LRCH2: variants seen among roughly 807,000 people sequenced by gnomAD.
LRCH2 encodes leucine-rich repeat and calponin homology domain-containing protein 2.
LRCH2 carries 38 observed loss-of-function variants against 68.9 expected under a neutral mutation model. The ratio of observed to expected loss-of-function variants is 0.55; its 90% CI spans 0.43 to 0.72. The LOEUF (loss-of-function observed/expected upper bound fraction) is 0.72. LRCH2 is among the 30% of genes least tolerant of loss of function. The pLI, the probability that LRCH2 is intolerant of heterozygous loss-of-function variation, is 0.00. For missense variants in LRCH2, 528 were observed against 572.9 expected (o/e 0.92, Z 0.80); for synonymous variants, 191 against 208.1 (o/e 0.92, Z 0.71).
chrX:115,170,923 T>A (rs1043981363), intron 5 of LRCH2, among the ~76,000 whole-genome samples: 1 of 111,596 alleles, frequency 9.0e-6, no homozygotes, highest in Non-Finnish European at 1.9e-5. Context: ...AGGTACGATA[T>A]TAGGCTGGTG....
intron 14 of LRCH2, among the ~76,000 whole-genome samples, chrX:115,135,542 A>T (rs1266604085): frequency 1.8e-5 from 2 of 111,905 alleles, no homozygotes; most frequent in African/African-American, 6.5e-5. Context: ...TTTAAGGTAG[A>T]ATTTACTCCT....
intron 1 of LRCH2, chrX:115,190,400 C>A: frequency 8.6e-7 from 1 of 1,163,662 alleles, no homozygotes; most frequent in Non-Finnish European, 1.1e-6. Context: ...TGGGGGACAC[C>A]GCCATCTTAT....
intron 3 of LRCH2, 75 bp downstream of exon 3, chrX:115,184,336 A>G: frequency 2.4e-6 from 2 of 844,473 alleles, no homozygotes; most frequent in Non-Finnish European, 3.2e-6. Flanking sequence ...ATTAAATTCC[A>G]TTAAAAATAG....
intron 19 of LRCH2, 36 bp from the exon 20 acceptor site, chrX:115,122,640 A>AT (rs781843109): frequency 8.4e-7 from 1 of 1,186,990 alleles, no homozygotes; most frequent in Non-Finnish European, 1.1e-6. Flanking sequence ...ACTTTTAGGC[A>AT]TTTTTCTATG....
intron 14 of LRCH2, among the ~76,000 whole-genome samples, chrX:115,144,724 C>A (rs142436194): frequency 0.011 from 1,210 of 111,352 alleles, 9 homozygotes; most frequent in Non-Finnish European, 0.016. Context: ...AATTAAACAC[C>A]TAGAAATTAA....
intron 3 of LRCH2, among the ~76,000 whole-genome samples, chrX:115,183,865 C>T (rs1438851412): frequency 8.9e-6 from 1 of 112,031 alleles, no homozygotes; most frequent in Admixed American, 9.5e-5. Context: ...TCCTTTAATA[C>T]CTAAAATGTT....
At chrX:115,138,594 T>TG (rs2072309870) in intron 14 of LRCH2, among the ~76,000 whole-genome samples, 2 of 111,363 alleles carry the variant, frequency 1.8e-5, no homozygotes, top group South Asian at 7.6e-4. Flanking sequence ...ATTTATAAGG[T>TG]GAAAGGTAAA....
At chrX:115,220,421 GAGA>G (rs1326052296) in intron 1 of LRCH2, among the ~76,000 whole-genome samples, 1 of 111,894 alleles carries the variant, frequency 8.9e-6, no homozygotes, top group Non-Finnish European at 1.9e-5. Context: ...CTTTTTGCAA[GAGA>G]AGAAGCAGTG....
intron 1 of LRCH2, chrX:115,189,892 G>C (rs782260397): frequency 6.9e-6 from 8 of 1,161,777 alleles, no homozygotes; most frequent in Non-Finnish European, 9.2e-6. Flanking sequence ...CAGGAAGCGC[G>C]GGCCGCCACC....
intron 1 of LRCH2, among the ~76,000 whole-genome samples, chrX:115,202,497 G>C (rs2072937498): frequency 8.9e-6 from 1 of 111,877 alleles, no homozygotes; most frequent in African/African-American, 3.3e-5. Context: ...ATTTGCACTT[G>C]TATGCCATAA....
Position 115,112,419 on chromosome X carries a change from T to C in LRCH2, c.*797A>G, listed in dbSNP as rs1203626164. ...CATAAATTAATCATATTAACATTGGTATTTTTGACAACATGAAATAACCAA... is the reference window on the plus strand; with the variant it reads ...CATAAATTAATCATATTAACATTGGCATTTTTGACAACATGAAATAACCAA... On this transcript the variant is annotated 3_prime_UTR_variant, in exon 21 of 21. Transcript: ENST00000317135. The C allele has an allele frequency of 8.9e-6, 1 of 112,070 alleles. No individual in the cohort carries two copies. Among genetic ancestry groups the C allele is most frequent in the East Asian group, 2.8e-4 (1 of 3,582 alleles). 9.2% of individuals were successfully genotyped at this position (112,070 alleles called of 1,213,427 possible).
chrX:115,188,645 A>C (rs901241273), intron 1 of LRCH2, among the ~76,000 whole-genome samples: 1 of 111,495 alleles, frequency 9.0e-6, no homozygotes, highest in Non-Finnish European at 1.9e-5. Context: ...AGCCTGGCCA[A>C]CATGGCGAAA....
intron 3 of LRCH2, among the ~76,000 whole-genome samples, chrX:115,180,319 T>C (rs1272279873): frequency 1.8e-5 from 2 of 111,345 alleles, no homozygotes; most frequent in African/African-American, 6.5e-5. Flanking sequence ...CTAAGAGATC[T>C]GAGTTGGAAA....
intron 1 of LRCH2, chrX:115,190,779 C>T (rs1199437762): frequency 2.2e-5 from 26 of 1,164,982 alleles, no homozygotes; most frequent in Non-Finnish European, 2.5e-5. Flanking sequence ...ACAGCAGGGG[C>T]CGGTCCGACG....
At chrX:115,209,038 T>C (rs1569517114) in intron 1 of LRCH2, among the ~76,000 whole-genome samples, 1 of 112,222 alleles carries the variant, frequency 8.9e-6, no homozygotes, top group Non-Finnish European at 1.9e-5. Flanking sequence ...GTAATCACCA[T>C]AGAATTGTCT....
chrX:115,175,015 T>A (rs1426486481), intron 5 of LRCH2, among the ~76,000 whole-genome samples: 1 of 111,575 alleles, frequency 9.0e-6, no homozygotes, highest in Admixed American at 9.5e-5. Context: ...TGATCACCAA[T>A]GGCCAATGAT....
intron 17 of LRCH2, 24 bp from the exon 18 acceptor site, chrX:115,123,216 C>CT: frequency 8.7e-7 from 1 of 1,148,032 alleles, no homozygotes; most frequent in Non-Finnish European, 1.2e-6. Flanking sequence ...AATTTCCTAA[C>CT]TTGTTACAAA....
intron 1 of LRCH2, among the ~76,000 whole-genome samples, chrX:115,212,786 C>T (rs1038440228): frequency 3.7e-5 from 4 of 109,166 alleles, no homozygotes; most frequent in Non-Finnish European, 7.6e-5. Flanking sequence ...GCCTGGGCAA[C>T]ATGGCAAAAC....
At chrX:115,189,784 G>A in intron 1 of LRCH2, 26 of 1,167,320 alleles carry the variant, frequency 2.2e-5, no homozygotes, top group Non-Finnish European at 3.0e-5. Flanking sequence ...CCGTGGGGGT[G>A]GCAGCAGCCC....
Sources: allele counts gnomAD v4.1 joint callset (sites outside exome capture counted in the v4.1 genomes callset), GRCh38; gene constraint gnomAD v4.1.1; transcripts MANE v1.5; gene names NCBI Gene and HGNC (gene_info 2026-07-23, HGNC 2026-07-21).